The following RNF216 variants were observed in gnomAD, a reference collection of about 807,000 sequenced individuals.
The protein encoded by RNF216 is E3 ubiquitin-protein ligase RNF216.
A neutral mutation model predicts 110.8 loss-of-function variants in RNF216; 72 were observed. That is an observed-to-expected ratio of 0.65 (90% CI 0.54 to 0.79). RNF216 has a LOEUF of 0.79. Ranked by LOEUF, RNF216 falls within the 30% of genes least tolerant of loss-of-function variation. The pLI, the probability that RNF216 is intolerant of heterozygous loss-of-function variation, is 0.00. For synonymous variants in RNF216, 495 were observed against 407.5 expected (o/e 1.21, Z -2.59); for missense variants, 1,342 against 1,141.2 (o/e 1.18, Z -2.54).
intron 13 of RNF216, among the ~76,000 whole-genome samples, chr7:5,691,668 T>C (rs1016798368): frequency 1.3e-5 from 2 of 152,208 alleles, no homozygotes; most frequent in South Asian, 2.1e-4. Context: ...TCAAGTGAAG[T>C]AGAATCTTCT....
rs573383039 is a variant in RNF216 at position 5,624,270 on chromosome 7, C to T, written c.2383-145G>A. On this transcript the variant is annotated intron_variant, in intron 15 of 16. Transcript: ENST00000389902. The surrounding 1 kb of genome is among the most constrained non-coding windows in gnomAD (Gnocchi z 4.4). ...GGCCAGTGGGGCCTGGGCTGCACAC[C>T]GTTCCTTCCTATTTCCCCGAAGGCC... The T allele has an allele frequency of 1.1e-4, 75 of 652,244 alleles. No individual in the cohort carries two copies. The highest frequency in any genetic ancestry group is 6.5e-4 in the East Asian group (24 of 36,724). 40.4% of individuals were successfully genotyped at this position (652,244 alleles called of 1,614,324 possible). A position where few individuals can be genotyped will look rare whatever the true frequency, so the allele number is the denominator to read the frequency against.
At chr7:5,653,600 C>CAAAAAAA (rs34530431) in intron 13 of RNF216, among the ~76,000 whole-genome samples, 1 of 50,494 alleles carries the variant, frequency 2.0e-5, no homozygotes, top group African/African-American at 8.6e-5. Flanking sequence ...GACTCTGTCT[C>CAAAAAAA]AAAAAAAAAA....
rs796993305 is a variant in RNF216 at position 5,696,889 on chromosome 7, G to C, written c.2061+14872C>G. 4.8e-4 allele frequency among the ~76,000 whole-genome samples: 73 copies of C among 152,082 alleles called. No individual in the cohort carries two copies. Among genetic ancestry groups the C allele is most frequent in the African/African-American group, 1.7e-3 (72 of 41,474 alleles). On this transcript the variant is annotated intron_variant, in intron 13 of 16. Coordinates refer to ENST00000389902, the MANE Select transcript of RNF216 (RefSeq NM_207111.4). The surrounding 1 kb of genome is among the most constrained non-coding windows in gnomAD (Gnocchi z 5.4). Reference sequence around the variant, plus strand: ...CCAATTCCCTTGATATTCTATATCTGATCTCTCCCTCCCTCCCACTCCCTT... The same window carrying C: ...CCAATTCCCTTGATATTCTATATCTCATCTCTCCCTCCCTCCCACTCCCTT...
chr7:5,710,458 G>A (rs745892103), intron 13 of RNF216, among the ~76,000 whole-genome samples: 7 of 151,966 alleles, frequency 4.6e-5, no homozygotes, highest in Non-Finnish European at 1.0e-4. Context: ...ACTTTCACTG[G>A]CAGACCTTCT....
At chr7:5,760,897 C>T (rs771473077) in intron 2 of RNF216, 106 bp downstream of exon 2, 1 of 871,288 alleles carries the variant, frequency 1.1e-6, no homozygotes, top group Middle Eastern at 2.2e-4. Context: ...AACGAAATGT[C>T]CCTGGATTCT....
chr7:5,766,572 G>A (rs939016773), intron 1 of RNF216, among the ~76,000 whole-genome samples: 2 of 152,168 alleles, frequency 1.3e-5, no homozygotes, highest in African/African-American at 4.8e-5. Context: ...CTGAGATCCA[G>A]GAAGAGAGAA....
At chr7:5,752,593 A>T (rs553218912) in intron 3 of RNF216, among the ~76,000 whole-genome samples, 1 of 152,332 alleles carries the variant, frequency 6.6e-6, no homozygotes, top group African/African-American at 2.4e-5. Context: ...ATACACTATA[A>T]TGTTGTAGCA....
At chr7:5,736,881 C>T (rs577919729) in intron 5 of RNF216, among the ~76,000 whole-genome samples, 4 of 151,486 alleles carry the variant, frequency 2.6e-5, no homozygotes, top group South Asian at 4.2e-4. Context: ...CCCCTCCGCC[C>T]GGCAGCCGCC....
At chr7:5,673,363 C>T (rs1366650002) in intron 13 of RNF216, among the ~76,000 whole-genome samples, 2 of 152,172 alleles carry the variant, frequency 1.3e-5, no homozygotes, top group Non-Finnish European at 2.9e-5. Flanking sequence ...CTGGAGATAG[C>T]TCTGTGGGAG....
At chr7:5,693,714 T>C (rs1246564191) in intron 13 of RNF216, among the ~76,000 whole-genome samples, 1 of 152,156 alleles carries the variant, frequency 6.6e-6, no homozygotes, top group Non-Finnish European at 1.5e-5. Context: ...CCTGTGCTTG[T>C]GTTGTTCTAA....
At chr7:5,644,827 C>CTTTTTTTTTT (rs59440013) in intron 14 of RNF216, among the ~76,000 whole-genome samples, 1 of 135,940 alleles carries the variant, frequency 7.4e-6, no homozygotes, top group African/African-American at 2.8e-5. Flanking sequence ...TTCTTTTTTT[C>CTTTTTTTTTT]TTTTTTTTTT....
At chr7:5,777,978 C>T (rs181421622) in intron 1 of RNF216, among the ~76,000 whole-genome samples, 74 of 152,266 alleles carry the variant, frequency 4.9e-4, no homozygotes, top group Non-Finnish European at 8.2e-4. Flanking sequence ...ACGTTTTCAA[C>T]GATCTTTTTA....
In RNF216 at chr7:5,721,185, C is replaced by A. The variant is rs115202209; in HGVS notation, c.1505-13G>T. The A allele has an allele frequency of 6.2e-7, 1 of 1,611,918 alleles. No homozygotes were observed. Among genetic ancestry groups the A allele is most frequent in the African/African-American group, 1.3e-5 (1 of 74,944 alleles). On this transcript the variant is annotated splice_polypyrimidine_tract_variant and intron_variant, in intron 8 of 16. Coordinates refer to ENST00000389902, the MANE Select transcript of RNF216 (RefSeq NM_207111.4). Reference sequence around the variant, plus strand: ...ATTTTTATGTCACCTAGAAGATATACGACAATGCAAAAGCATGCAGACAAC... The same window carrying A: ...ATTTTTATGTCACCTAGAAGATATAAGACAATGCAAAAGCATGCAGACAAC...
intron 1 of RNF216, among the ~76,000 whole-genome samples, chr7:5,765,442 C>T (rs1233579978): frequency 6.6e-6 from 1 of 151,680 alleles, no homozygotes; most frequent in Non-Finnish European, 1.5e-5. Context: ...CCAGCCTAGG[C>T]AACAGGGTGA....
At position 5,719,864 on chromosome 7, in the gene RNF216, C is replaced by T. The variant is rs192407837; in HGVS notation, c.1644+1169G>A. On this transcript the variant is annotated intron_variant, in intron 9 of 16. Transcript: ENST00000389902. ...GTGGCTCAGTTGCATAAGTGCTTTC[C>T]TCATACCTGGATATAAGACAAGCTT... Among the ~76,000 whole-genome samples the T allele has an allele frequency of 8.5e-5, 13 of 152,342 alleles. No individual in the cohort carries two copies. In the East Asian group the frequency reaches 9.6e-4, roughly 11 times the overall value.
In RNF216 at chr7:5,669,075, G is replaced by A. The variant is rs565655662; in HGVS notation, c.2062-16565C>T. Among the ~76,000 whole-genome samples, 544 of 152,264 alleles carry A rather than the reference G, an allele frequency of 3.6e-3. 5 individuals are homozygous for A. The highest frequency in any genetic ancestry group is 0.012 in the African/African-American group (503 of 41,550). ...AGAGAGTATTTCAACGCAGGCAGGT[G>A]GCTACAGATGGCCCCCCTTGGTGGA... On this transcript the variant is annotated intron_variant, in intron 13 of 16. Transcript: ENST00000389902.
chr7:5,697,118 T>C (rs1791678715), intron 13 of RNF216, among the ~76,000 whole-genome samples: 1 of 152,238 alleles, frequency 6.6e-6, no homozygotes, highest in Non-Finnish European at 1.5e-5. Context: ...TGGACACACC[T>C]GTCTACTTGC....
At chr7:5,648,769 CAGA>C (rs1788206765) in intron 14 of RNF216, among the ~76,000 whole-genome samples, 1 of 150,504 alleles carries the variant, frequency 6.6e-6, no homozygotes, top group Admixed American at 6.6e-5. Flanking sequence ...ACGCAGGGGA[CAGA>C]AGAACAAGTT....
intron 15 of RNF216, among the ~76,000 whole-genome samples, chr7:5,631,195 T>C (rs796479873): frequency 4.7e-4 from 72 of 152,328 alleles, no homozygotes; most frequent in African/African-American, 1.7e-3. Flanking sequence ...GGCTGTGTTT[T>C]GGAAATTTTT....
Sources: gnomAD v4.1 joint callset for allele counts (sites outside exome capture counted in the v4.1 genomes callset) on GRCh38, gnomAD v4.1.1 for gene constraint, Gnocchi (gnomAD v3.1) non-coding constraint, MANE v1.5 for transcripts, NCBI Gene and HGNC (gene_info 2026-07-23, HGNC 2026-07-21) for gene names.